ZBBX: variants seen among roughly 807,000 people sequenced by gnomAD.
ZBBX encodes zinc finger B-box domain containing.
A neutral mutation model predicts 108.5 loss-of-function variants in ZBBX; 101 were observed. The observed-to-expected ratio is 0.93, with a 90% CI of 0.79 to 1.10. ZBBX has a LOEUF of 1.10. Ranked by LOEUF, ZBBX falls within the 50% of genes least tolerant of loss-of-function variation. The pLI is 0.00. For missense variants in ZBBX, 1,009 were observed against 941.4 expected (o/e 1.07, Z -0.94); for synonymous variants, 356 against 323.4 (o/e 1.10, Z -1.08).
chr3:167,187,918 G>T, the ZBBX span, among the ~76,000 whole-genome samples: 1 of 152,078 alleles, frequency 6.6e-6, no homozygotes, highest in Non-Finnish European at 1.5e-5. Context: ...GTTAATATTT[G>T]CAATGCATTC....
chr3:167,263,641 G>T (rs915676402), intron 20 of ZBBX, among the ~76,000 whole-genome samples: 2 of 152,156 alleles, frequency 1.3e-5, no homozygotes, highest in Non-Finnish European at 2.9e-5. Flanking sequence ...CTAACACATG[G>T]TCTATCTTTG....
chr3:167,391,657 A>G (rs1748087810), intron 1 of ZBBX, among the ~76,000 whole-genome samples: 1 of 151,720 alleles, frequency 6.6e-6, no homozygotes, highest in Non-Finnish European at 1.5e-5. Flanking sequence ...CCTTTTTGGA[A>G]CATGATTGAC....
chr3:167,188,460 G>T, the ZBBX span, among the ~76,000 whole-genome samples: 1 of 152,066 alleles, frequency 6.6e-6, no homozygotes, highest in East Asian at 1.9e-4. Context: ...AAAATTTTCT[G>T]ATAGGCTATG....
At chr3:167,213,700 T>C in the ZBBX span, among the ~76,000 whole-genome samples, 3 of 152,086 alleles carry the variant, frequency 2.0e-5, no homozygotes, top group East Asian at 5.8e-4. Context: ...AGTGAACTCC[T>C]GCAAGATTCT....
chr3:167,180,239 T>C, the ZBBX span, among the ~76,000 whole-genome samples: 1 of 152,224 alleles, frequency 6.6e-6, no homozygotes, highest in Non-Finnish European at 1.5e-5. Context: ...GCCTCCTTTG[T>C]TAATTGCTGA....
chr3:167,190,571 A>T, the ZBBX span, among the ~76,000 whole-genome samples: 1 of 151,944 alleles, frequency 6.6e-6, no homozygotes, highest in Non-Finnish European at 1.5e-5. Flanking sequence ...TAGTAGAGTC[A>T]GGGTTTCACT....
At chr3:167,284,964 T>A (rs1729452120) in intron 19 of ZBBX, among the ~76,000 whole-genome samples, 2 of 151,766 alleles carry the variant, frequency 1.3e-5, no homozygotes, top group Admixed American at 6.6e-5. Flanking sequence ...ATTCCATATT[T>A]TTTTTAAAAA....
At chr3:167,380,609 T>A (rs1747641842), upstream of ZBBX, among the ~76,000 whole-genome samples, 1 of 152,114 alleles carries the variant, frequency 6.6e-6, no homozygotes, top group Non-Finnish European at 1.5e-5. Context: ...CTAAAAAAAT[T>A]AAGGCACAAA....
At chr3:167,357,582 T>C (rs1743788773) in intron 8 of ZBBX, among the ~76,000 whole-genome samples, 1 of 152,068 alleles carries the variant, frequency 6.6e-6, no homozygotes, top group Non-Finnish European at 1.5e-5. Context: ...TTACTCACAA[T>C]AGCCAAAAGG....
chr3:167,278,868 A>T (rs1183843514), intron 20 of ZBBX, among the ~76,000 whole-genome samples: 7 of 151,868 alleles, frequency 4.6e-5, no homozygotes, highest in African/African-American at 1.7e-4. Context: ...ACTGGCAAAC[A>T]GAATCCAGCA....
the ZBBX span, among the ~76,000 whole-genome samples, chr3:167,212,119 C>T: frequency 6.6e-6 from 1 of 152,108 alleles, no homozygotes; most frequent in Admixed American, 6.5e-5. Context: ...ACAAAGCTCC[C>T]AGGGGAAGAA....
chr3:167,233,246 A>T, the ZBBX span, among the ~76,000 whole-genome samples: 1 of 151,792 alleles, frequency 6.6e-6, no homozygotes, highest in Non-Finnish European at 1.5e-5. Context: ...AACTGAACCA[A>T]CTCTGGGCCC....
intron 8 of ZBBX, among the ~76,000 whole-genome samples, chr3:167,358,008 A>C (rs1448704156): frequency 1.3e-5 from 2 of 152,044 alleles, no homozygotes; most frequent in Non-Finnish European, 2.9e-5. Flanking sequence ...GGGGAACATC[A>C]CACTCTGGGG....
chr3:167,240,938 A>G lies in ZBBX; in HGVS notation c.2394-19T>C, dbSNP rs1720557405. On this transcript the variant is annotated intron_variant, in intron 21 of 21. Coordinates refer to ENST00000675490, the MANE Select transcript of ZBBX (RefSeq NM_001199201.2). ...AGAACAGCTGAAAATACATAACAAGATCAATACACAATATACAGAACCGGG... is the reference window on the plus strand; with the variant it reads ...AGAACAGCTGAAAATACATAACAAGGTCAATACACAATATACAGAACCGGG... The G allele has an allele frequency of 1.9e-6, 3 of 1,611,182 alleles. No individual in the cohort carries two copies. The highest frequency in any genetic ancestry group is 1.3e-5 in the African/African-American group (1 of 74,984).
the ZBBX span, among the ~76,000 whole-genome samples, chr3:167,225,652 C>CT: frequency 6.6e-6 from 1 of 151,740 alleles, no homozygotes; most frequent in African/African-American, 2.4e-5. Flanking sequence ...TCTCTATATA[C>CT]TATGCATCTT....
intron 6 of ZBBX, among the ~76,000 whole-genome samples, chr3:167,365,221 A>C (rs183739175): frequency 1.3e-5 from 2 of 151,992 alleles, no homozygotes; most frequent in East Asian, 3.9e-4. Flanking sequence ...TGACCCAATG[A>C]AAGTTTAATG....
the ZBBX span, among the ~76,000 whole-genome samples, chr3:167,197,009 T>G: frequency 6.6e-6 from 1 of 151,980 alleles, no homozygotes; most frequent in African/African-American, 2.4e-5. Flanking sequence ...AGGGAGAAAA[T>G]GCCAAAACAT....
intron 20 of ZBBX, among the ~76,000 whole-genome samples, chr3:167,267,937 T>C (rs1166258214): frequency 6.6e-6 from 1 of 151,882 alleles, no homozygotes; most frequent in Non-Finnish European, 1.5e-5. Flanking sequence ...CAGATCCTTC[T>C]TCTCCTTACG....
At chr3:167,276,241 G>C (rs1727551001) in intron 20 of ZBBX, among the ~76,000 whole-genome samples, 1 of 152,234 alleles carries the variant, frequency 6.6e-6, no homozygotes, top group South Asian at 2.1e-4. Context: ...GCTGGATGGA[G>C]AATGACTTTG....
Sources: allele counts gnomAD v4.1 joint callset (sites outside exome capture counted in the v4.1 genomes callset), GRCh38; gene constraint gnomAD v4.1.1; transcripts MANE v1.5; gene names NCBI Gene and HGNC (gene_info 2026-07-23, HGNC 2026-07-21).